TMIGD3: variants seen among roughly 807,000 people sequenced by gnomAD.
TMIGD3 encodes AD026 protein (AD026).
Under a neutral mutation model 28.1 loss-of-function variants are expected in TMIGD3, and 21 were observed. The observed-to-expected ratio is 0.75, with a 90% CI of 0.53 to 1.08. The LOEUF (loss-of-function observed/expected upper bound fraction) is 1.08. Ranked by LOEUF, TMIGD3 falls within the 50% of genes least tolerant of loss-of-function variation. The pLI is 0.00. For synonymous variants in TMIGD3, 151 were observed against 162.1 expected (o/e 0.93, Z 0.52); for missense variants, 416 against 435.6 (o/e 0.96, Z 0.40).
In TMIGD3 at chr1:111,502,287, A is replaced by AT. The variant is rs1557824445; in HGVS notation, c.350+717_350+718insA. Among the ~76,000 whole-genome samples, 18 of 111,294 alleles carry AT rather than the reference A, an allele frequency of 1.6e-4. 5 individuals are homozygous for AT. Among genetic ancestry groups the AT allele is most frequent in the South Asian group, 1.1e-3 (4 of 3,770 alleles). 73.0% of individuals were successfully genotyped at this position (111,294 alleles called of 152,430 possible). A position where few individuals can be genotyped will look rare whatever the true frequency, so the allele number is the denominator to read the frequency against. On this transcript the variant is annotated intron_variant, in intron 1 of 5. Coordinates refer to ENST00000369716, the MANE Select transcript of TMIGD3 (RefSeq NM_020683.7). ...TATAGGATATATATTCATTATAATA[A>AT]ATATATAGGATATATATTCATTATA...
At position 111,486,762 on chromosome 1, in the gene TMIGD3, G is replaced by T. The variant is rs531046122; in HGVS notation, c.806-110C>A. ...TCTATGTCCAGAGAGTGAGTCCCCTGGTTGACTCCAGAGTAAAGCAGAGGT... is the reference window on the plus strand; with the variant it reads ...TCTATGTCCAGAGAGTGAGTCCCCTTGTTGACTCCAGAGTAAAGCAGAGGT... On this transcript the variant is annotated intron_variant, in intron 3 of 5. Coordinates refer to ENST00000369716, the MANE Select transcript of TMIGD3 (RefSeq NM_020683.7). The T allele has an allele frequency of 2.7e-4, 242 of 912,616 alleles. 6 individuals carry two copies. In the South Asian group the frequency reaches 3.0e-3, roughly 11 times the overall value. The allele number at this position is 912,616 out of a possible 1,614,324, so 56.5% of individuals were successfully genotyped here.
intron 1 of TMIGD3, among the ~76,000 whole-genome samples, chr1:111,519,032 G>C (rs563587074): frequency 5.6e-4 from 85 of 152,224 alleles, no homozygotes; most frequent in African/African-American, 1.9e-3. Flanking sequence ...TCTGCCTCCC[G>C]GGTTCAAGCG....
chr1:111,484,893 A>G (rs896837574), intron 5 of TMIGD3, among the ~76,000 whole-genome samples: 1 of 152,228 alleles, frequency 6.6e-6, no homozygotes, highest in Non-Finnish European at 1.5e-5. Context: ...TTAGCCAAAC[A>G]GTGGCAACTG....
At chr1:111,534,206 T>C (rs1656562352) in intron 1 of TMIGD3, among the ~76,000 whole-genome samples, 2 of 152,218 alleles carry the variant, frequency 1.3e-5, no homozygotes, top group African/African-American at 2.4e-5. Flanking sequence ...GAACATATCA[T>C]GGGTATCTTT....
At chr1:111,485,715 C>A in intron 5 of TMIGD3, 25 bp downstream of exon 5, 2 of 1,180,536 alleles carry the variant, frequency 1.7e-6, no homozygotes, top group Admixed American at 2.0e-5. Flanking sequence ...CTTGCCCACC[C>A]CCTCCCTCAA....
chr1:111,551,761 G>GTTTT lies in TMIGD3; in HGVS notation c.107+12081_107+12084dup, dbSNP rs1176325796. ...GTGGTTTTTGGTTTTGTTTTGTTTTGTTTTGTTTTTTTGAGATGGAGTCTT... is the reference window on the plus strand; with the variant it reads ...GTGGTTTTTGGTTTTGTTTTGTTTTGTTTTTTTTGTTTTTTTGAGATGGAGTCTT... On this transcript the variant is annotated intron_variant, in intron 1 of 5. Coordinates refer to the TMIGD3 transcript ENST00000369717. Among the ~76,000 whole-genome samples the GTTTT allele has an allele frequency of 7.9e-4, 24 of 30,288 alleles. No homozygotes were observed. The South Asian group carries it at 0.018, about 23-fold the overall frequency. The allele number at this position is 30,288 out of a possible 152,430, so 19.9% of individuals were successfully genotyped here.
In TMIGD3 at chr1:111,499,460, T is replaced by A; in HGVS notation, c.350+3545A>T. 4.0e-6 allele frequency: 4 copies of A among 992,342 alleles called. No individual in the cohort carries two copies. In the South Asian group the frequency reaches 1.8e-4, roughly 45 times the overall value. The allele number at this position is 992,342 out of a possible 1,614,324, so 61.5% of individuals were successfully genotyped here. Reference sequence around the variant, plus strand: ...ATTAGCTTTTATTTACTCAAAAACATCCACAGGTGAATTCAGCAGTTTAAG... The same window carrying A: ...ATTAGCTTTTATTTACTCAAAAACAACCACAGGTGAATTCAGCAGTTTAAG... On this transcript the variant is annotated intron_variant, in intron 1 of 5. Transcript: ENST00000369716.
chr1:111,511,674 TACAC>T (rs72064023), intron 1 of TMIGD3, among the ~76,000 whole-genome samples: 21 of 148,912 alleles, frequency 1.4e-4, no homozygotes, highest in South Asian at 6.5e-4. Context: ...TGGTGCCCTT[TACAC>T]ACACACACAC....
chr1:111,514,606 C>T (rs1364779847), intron 1 of TMIGD3, among the ~76,000 whole-genome samples: 6 of 150,300 alleles, frequency 4.0e-5, no homozygotes, highest in African/African-American at 1.5e-4. Context: ...ACCGCCATTA[C>T]CTTACTGCTA....
At chr1:111,495,905 CA>C (rs1654866401) in intron 1 of TMIGD3, among the ~76,000 whole-genome samples, 1 of 151,858 alleles carries the variant, frequency 6.6e-6, no homozygotes. Flanking sequence ...AATGCAGTAA[CA>C]AAAAAACAAA....
At chr1:111,549,069 A>G (rs1657146930) in intron 1 of TMIGD3, among the ~76,000 whole-genome samples, 1 of 152,166 alleles carries the variant, frequency 6.6e-6, no homozygotes, top group South Asian at 2.1e-4. Flanking sequence ...ATGCTACTGA[A>G]GTCAATTTGT....
upstream of TMIGD3, chr1:111,505,088 G>T (rs2100987806): frequency 7.0e-6 from 3 of 430,846 alleles, no homozygotes; most frequent in African/African-American, 2.6e-5. Context: ...AGAGAAGGAA[G>T]TTACCAAGAG....
At chr1:111,530,038 G>A (rs1172992872) in intron 1 of TMIGD3, among the ~76,000 whole-genome samples, 4 of 148,784 alleles carry the variant, frequency 2.7e-5, no homozygotes, top group African/African-American at 1.0e-4. Context: ...GCGGCTGGCC[G>A]GGCAGAGGGG....
chr1:111,512,991 G>A (rs1405507850), intron 1 of TMIGD3, among the ~76,000 whole-genome samples: 1 of 152,196 alleles, frequency 6.6e-6, no homozygotes, highest in African/African-American at 2.4e-5. Flanking sequence ...AGAAGCAGTG[G>A]TTTGTCAGCA....
intron 1 of TMIGD3, among the ~76,000 whole-genome samples, chr1:111,511,829 C>T (rs1481477105): frequency 6.6e-6 from 1 of 152,172 alleles, no homozygotes; most frequent in Admixed American, 6.5e-5. Context: ...ATCTGCCAGA[C>T]CTGGAACCAC....
At chr1:111,499,373 GAC>G (rs1400582057) in intron 1 of TMIGD3, 1 of 982,840 alleles carries the variant, frequency 1.0e-6, no homozygotes, top group Non-Finnish European at 1.2e-6. Flanking sequence ...TAGTGCCAAA[GAC>G]AGCCAGCTGG....
intron 4 of TMIGD3, 115 bp from the exon 5 acceptor site, chr1:111,485,955 A>G (rs2275796): frequency 2.7e-6 from 2 of 728,894 alleles, no homozygotes; most frequent in Admixed American, 5.3e-5. Context: ...ACCCAGTTAC[A>G]GTAGCTTCTG....
chr1:111,483,626 T>C lies in TMIGD3; in HGVS notation c.*61A>G. On this transcript the variant is annotated 3_prime_UTR_variant, in exon 6 of 6. Coordinates refer to ENST00000369716, the MANE Select transcript of TMIGD3 (RefSeq NM_020683.7). ...AATCAGTCTCTGAGGTGTGGGCCAG[T>C]TGTCATGGTGATTATTCTGTTGTAG... 1 of 1,348,188 alleles carries C rather than the reference T, an allele frequency of 7.4e-7. No homozygotes were observed. Among genetic ancestry groups the C allele is most frequent in the Non-Finnish European group, 1.1e-6 (1 of 944,928 alleles). 83.5% of individuals were successfully genotyped at this position (1,348,188 alleles called of 1,614,324 possible). A position where few individuals can be genotyped will look rare whatever the true frequency, so the allele number is the denominator to read the frequency against.
intron 4 of TMIGD3, 75 bp from the exon 5 acceptor site, chr1:111,485,915 T>C: frequency 1.6e-6 from 2 of 1,241,340 alleles, no homozygotes; most frequent in South Asian, 2.7e-5. Flanking sequence ...GATCCCTTTT[T>C]CTGGGATTTG....
Sources: allele counts gnomAD v4.1 joint callset (sites outside exome capture counted in the v4.1 genomes callset), GRCh38; gene constraint gnomAD v4.1.1; transcripts MANE v1.5; gene names NCBI Gene and HGNC (gene_info 2026-07-23, HGNC 2026-07-21).